The following TMEM230 variants were observed in gnomAD, a reference collection of about 807,000 sequenced individuals.
The protein encoded by TMEM230 is transmembrane protein 230.
TMEM230 carries 10 observed loss-of-function variants against 15.8 expected under a neutral mutation model. That is an observed-to-expected ratio of 0.63 (90% CI 0.39 to 1.07). The LOEUF is 1.07. Among genes scored for constraint, TMEM230 ranks in the 50% least tolerant of loss-of-function variants. TMEM230 has a pLI of 0.01. For missense variants in TMEM230, 165 were observed against 193.3 expected (o/e 0.85, Z 0.87); for synonymous variants, 67 against 76.9 (o/e 0.87, Z 0.68).
chr20:5,090,862 A>G (rs1377828658), intron 3 of TMEM230, among the ~76,000 whole-genome samples: 1 of 152,218 alleles, frequency 6.6e-6, no homozygotes, highest in Admixed American at 6.5e-5. Flanking sequence ...ATACTGAACA[A>G]TTGTGAAATG....
chr20:5,079,912 A>G (rs1041062424), intron 3 of TMEM230, among the ~76,000 whole-genome samples: 4 of 151,894 alleles, frequency 2.6e-5, no homozygotes, highest in African/African-American at 9.7e-5. Context: ...GCACCCCCAT[A>G]CCTGGCTAAC....
chr20:5,063,276 A>ATTTT, downstream of TMEM230, among the ~76,000 whole-genome samples: 5 of 102,414 alleles, frequency 4.9e-5, no homozygotes, highest in Admixed American at 1.1e-4. Flanking sequence ...AGCTGCTATG[A>ATTTT]ATTTTTTTTT....
chr20:5,111,781 C>G (rs1485770701), intron 1 of TMEM230: 1 of 982,186 alleles, frequency 1.0e-6, no homozygotes, highest in Admixed American at 6.2e-5. Context: ...TTGTTAGATG[C>G]CAGCTGTTCT....
At position 5,082,181 on chromosome 20, in the gene TMEM230, T is replaced by A. The variant is rs1439156237; in HGVS notation, c.223-12832A>T. The stretch of plus-strand genomic sequence containing the variant: ...GGAGCCACCACGCCCAGCCATTCAC[T>A]GAAATTTTTTAAAAAGAAGAAGAAA... On this transcript the variant is annotated intron_variant, in intron 3 of 3. Coordinates refer to the TMEM230 transcript ENST00000612323. Among the ~76,000 whole-genome samples the A allele has an allele frequency of 2.7e-5, 4 of 150,328 alleles. No homozygotes were observed. The Admixed American group carries it at 2.7e-4, about 10-fold the overall frequency.
chr20:5,078,477 T>C (rs2089072815), intron 3 of TMEM230, among the ~76,000 whole-genome samples: 1 of 152,140 alleles, frequency 6.6e-6, no homozygotes, highest in Non-Finnish European at 1.5e-5. Context: ...AGAGACTGTA[T>C]CATCCAGGGT....
At chr20:5,070,448 C>T (rs898001714) in intron 3 of TMEM230, among the ~76,000 whole-genome samples, 1 of 152,138 alleles carries the variant, frequency 6.6e-6, no homozygotes, top group African/African-American at 2.4e-5. Flanking sequence ...GTGTTGGGGC[C>T]ATTTGTAATG....
chr20:5,070,313 G>T (rs2088781176), intron 3 of TMEM230, among the ~76,000 whole-genome samples: 1 of 152,130 alleles, frequency 6.6e-6, no homozygotes, highest in South Asian at 2.1e-4. Flanking sequence ...TGAGTCTTGC[G>T]CTAACTGTAG....
chr20:5,105,072 G>GTCAGGAGT (rs1198890842), intron 4 of TMEM230, among the ~76,000 whole-genome samples: 1 of 152,188 alleles, frequency 6.6e-6, no homozygotes, highest in Non-Finnish European at 1.5e-5. Flanking sequence ...GCCGCTTGAG[G>GTCAGGAGT]TCAGGAGTTC....
chr20:5,076,213 G>A (rs2088989013), intron 3 of TMEM230, among the ~76,000 whole-genome samples: 1 of 152,082 alleles, frequency 6.6e-6, no homozygotes, highest in Non-Finnish European at 1.5e-5. Context: ...GTGCCCCAGA[G>A]GATGATGTGA....
At chr20:5,077,127 G>A (rs541913695) in intron 3 of TMEM230, among the ~76,000 whole-genome samples, 1 of 151,824 alleles carries the variant, frequency 6.6e-6, no homozygotes, top group Non-Finnish European at 1.5e-5. Flanking sequence ...GCAACATAGT[G>A]AGACCCCATC....
At chr20:5,096,791 T>C (rs6053109), downstream of TMEM230, among the ~76,000 whole-genome samples, 82,859 of 152,094 alleles carry the variant, frequency 0.54, 23,111 homozygotes, top group East Asian at 0.84. Flanking sequence ...CAAAGGAACA[T>C]GGTGTCCTGG....
At chr20:5,079,212 C>A (rs533391376) in intron 3 of TMEM230, among the ~76,000 whole-genome samples, 3 of 152,244 alleles carry the variant, frequency 2.0e-5, no homozygotes, top group South Asian at 2.1e-4. Context: ...TGGCCTTGAT[C>A]TCCTGGGTTC....
At position 5,093,277 on chromosome 20, in the gene TMEM230, G is replaced by A. The variant is rs148360405; in HGVS notation, c.222+12911C>T. 3.9e-3 allele frequency among the ~76,000 whole-genome samples: 597 copies of A among 152,274 alleles called. 4 individuals are homozygous for A. Among genetic ancestry groups the A allele is most frequent in the African/African-American group, 0.014 (568 of 41,546 alleles). On this transcript the variant is annotated intron_variant, in intron 3 of 3. Coordinates refer to the TMEM230 transcript ENST00000612323. Reference sequence around the variant, plus strand: ...TAATTTTGTTATTTTGTAGAGAGAGGGTCTATGTCGCCCAGGCTGGAGTGC... The same window carrying A: ...TAATTTTGTTATTTTGTAGAGAGAGAGTCTATGTCGCCCAGGCTGGAGTGC...
intron 3 of TMEM230, chr20:5,069,433 A>G: frequency 7.2e-7 from 1 of 1,394,150 alleles, no homozygotes; most frequent in Non-Finnish European, 9.5e-7. Flanking sequence ...AAGAAATCAC[A>G]TCTTATGCAT....
chr20:5,063,549 A>G (rs543721302), downstream of TMEM230, among the ~76,000 whole-genome samples: 9 of 152,130 alleles, frequency 5.9e-5, no homozygotes. Context: ...TCGGCCTCCC[A>G]GAGTGCTGGG....
Position 5,106,240 on chromosome 20 carries a change from G to A in TMEM230, c.359C>T (p.Ala120Val), listed in dbSNP as rs756158399. Residue 120 changes from alanine to valine, a missense_variant, in exon 4 of 5, where the codon GCC (alanine) becomes GTC (valine). By Grantham distance (64) the Ala-to-Val change is moderately conservative. Coordinates refer to ENST00000342308, the MANE Select transcript of TMEM230 (RefSeq NM_001009923.2). ...GAGGGAGCCTATAATAATGAGAAAG[G>A]CGCCAATCAAAAACAGCACAGTGGC... The A allele has an allele frequency of 6.2e-7, 1 of 1,613,906 alleles. No individual in the cohort carries two copies. The highest frequency in any genetic ancestry group is 1.3e-5 in the African/African-American group (1 of 74,898).
the TMEM230 span, among the ~76,000 whole-genome samples, chr20:5,060,414 G>A: frequency 2.2e-5 from 3 of 136,954 alleles, no homozygotes; most frequent in Non-Finnish European, 4.5e-5. Context: ...TCAGCTCACT[G>A]CAACCTCCAC....
rs751610286 is a variant in TMEM230 at position 5,069,204 on chromosome 20, AC to A, written c.367del (p.Val123CysfsTer14). ...GCACCAACCTCAGTCAGGTGATGAC[AC>A]CTGTGTTCCTCTTCCTTCTGGAAGC... On this transcript the variant is annotated frameshift_variant, in exon 4 of 4. Coordinates refer to the TMEM230 transcript ENST00000612323. LOFTEE classifies it high-confidence loss of function. 5.9e-6 allele frequency: 9 copies of A among 1,533,708 alleles called. No individual in the cohort carries two copies. The South Asian group carries it at 6.0e-5, about 10-fold the overall frequency.
the TMEM230 span, among the ~76,000 whole-genome samples, chr20:5,062,808 CT>C: frequency 6.6e-6 from 1 of 152,026 alleles, no homozygotes; most frequent in African/African-American, 2.4e-5. Flanking sequence ...CTAAACAGAA[CT>C]GTATATTACC....
Sources: gnomAD v4.1 joint callset for allele counts (sites outside exome capture counted in the v4.1 genomes callset) on GRCh38, gnomAD v4.1.1 for gene constraint, MANE v1.5 for transcripts, NCBI Gene and HGNC (gene_info 2026-07-23, HGNC 2026-07-21) for gene names.